UBE2C: variants seen among roughly 807,000 people sequenced by gnomAD.
The protein encoded by UBE2C is ubiquitin conjugating enzyme E2 C, also known as ubiquitin-conjugating enzyme E2 C.
In UBE2C, 16 loss-of-function variants were observed where a neutral mutation model predicts 23.5. That is an observed-to-expected ratio of 0.68 (90% CI 0.46 to 1.03). The LOEUF (loss-of-function observed/expected upper bound fraction) is 1.03, where lower values mean the gene tolerates loss of function less well. Among genes scored for constraint, UBE2C ranks in the 50% least tolerant of loss-of-function variants. UBE2C has a pLI of 0.00. For missense variants in UBE2C, 192 were observed against 227.6 expected, an observed-to-expected ratio of 0.84 and a Z score of 1.01; for synonymous variants, 76 against 91.6, an observed-to-expected ratio of 0.83 and a Z score of 0.97.
chr20:45,813,605 C>A (rs1295419786), intron 2 of UBE2C, 141 bp downstream of exon 2: 6 of 1,059,030 alleles, frequency 5.7e-6, no homozygotes, highest in Non-Finnish European at 8.7e-6. Context: ...CCACCTACAC[C>A]ATTTCTTCCA....
At chr20:45,813,047 C>T in intron 1 of UBE2C, 1 of 1,418,126 alleles carries the variant, frequency 7.1e-7, no homozygotes, top group Non-Finnish European at 9.2e-7. Flanking sequence ...GAGCTCAGAC[C>T]GCTCTTTGAG....
At position 45,814,446 on chromosome 20, in the gene UBE2C, G is replaced by A; in HGVS notation, c.192G>A (p.Gly64=). The A allele has an allele frequency of 6.2e-7, 1 of 1,610,432 alleles. No individual in the cohort carries two copies. The highest frequency in any genetic ancestry group is 8.5e-7 in the Non-Finnish European group (1 of 1,178,058). Residue 64 remains glycine, a synonymous_variant, in exon 3 of 6, where the codon GGG becomes GGA. Coordinates refer to ENST00000356455, the MANE Select transcript of UBE2C (RefSeq NM_007019.4). ...CAGACAACCTTTTCAAATGGGTAGG[G>A]ACCATCCATGGAGCAGCTGGAACAG... ...PESDNLFKWV[G]TIHGAAGTVY... is the part of the protein sequence containing the mutation.
intron 1 of UBE2C, 92 bp from the exon 2 acceptor site, chr20:45,813,345 G>T: frequency 6.2e-7 from 1 of 1,610,720 alleles, no homozygotes; most frequent in South Asian, 1.1e-5. Context: ...CCTCCATGAC[G>T]GCTCCCCCTG....
chr20:45,814,261 T>A, intron 2 of UBE2C, 123 bp from the exon 3 acceptor site: 1 of 363,178 alleles, frequency 2.8e-6, no homozygotes, highest in Non-Finnish European at 4.7e-6. Context: ...TGTGTGTGTG[T>A]GTATGTGAGC....
intron 1 of UBE2C, 181 bp from the exon 2 acceptor site, chr20:45,813,256 G>C: frequency 6.7e-7 from 1 of 1,501,188 alleles, no homozygotes; most frequent in Non-Finnish European, 8.8e-7. Context: ...GAATTAGGGA[G>C]GGTGAGGACT....
Position 45,816,792 on chromosome 20 carries a change from T to C in UBE2C, c.*25T>C. 6.2e-7 allele frequency: 1 copy of C among 1,602,798 alleles called. No individual in the cohort carries two copies. Among genetic ancestry groups the C allele is most frequent in the Non-Finnish European group, 8.5e-7 (1 of 1,175,070 alleles). ...ACCCAGGCTGCCCAGCCTGTCCTTG[T>C]GTCGTCTTTTTAATTTTTCCTTAGA... On this transcript the variant is annotated 3_prime_UTR_variant, in exon 6 of 6. Transcript: ENST00000356455.
chr20:45,813,550 G>A, intron 2 of UBE2C, 86 bp downstream of exon 2: 4 of 1,578,894 alleles, frequency 2.5e-6, no homozygotes, highest in Non-Finnish European at 3.5e-6. Flanking sequence ...GCTAGACATA[G>A]GGGTAATGTA....
intron 2 of UBE2C, 84 bp from the exon 3 acceptor site, chr20:45,814,300 A>AT (rs1568714802): frequency 6.2e-5 from 31 of 499,128 alleles, no homozygotes; most frequent in African/African-American, 2.7e-4. Flanking sequence ...ATATATATAT[A>AT]AAATTAAGGG....
In UBE2C at chr20:45,814,369, G is replaced by A; in HGVS notation, c.130-15G>A. 1 of 1,594,636 alleles carries A rather than the reference G, an allele frequency of 6.3e-7. No individual in the cohort carries two copies. The highest frequency in any genetic ancestry group is 2.2e-4 in the Middle Eastern group (1 of 4,464). On this transcript the variant is annotated splice_polypyrimidine_tract_variant and intron_variant, in intron 2 of 5. Transcript: ENST00000356455. ...AAGTGTACTCCACATTCCAACAAAT[G>A]TGTTTTCTCCCCAGATGTCTGGCGA...
In UBE2C at chr20:45,814,520, T is replaced by G. The variant is rs1982300252; in HGVS notation, c.216+50T>G. The G allele has an allele frequency of 2.0e-6, 3 of 1,496,600 alleles. No homozygotes were observed. The African/African-American group carries it at 4.2e-5, about 21-fold the overall frequency. The allele number at this position is 1,496,600 out of a possible 1,614,324, so 92.7% of individuals were successfully genotyped here. A position where few individuals can be genotyped will look rare whatever the true frequency, so the allele number is the denominator to read the frequency against. On this transcript the variant is annotated intron_variant, in intron 3 of 5. Coordinates refer to ENST00000356455, the MANE Select transcript of UBE2C (RefSeq NM_007019.4). ...AGTGAGTCTGGGGAAAGGTGGGAAG[T>G]GAGATCCAAGTGCGAGCTCTGCTTC...
chr20:45,815,074 A>T (rs965150406), intron 3 of UBE2C, among the ~76,000 whole-genome samples: 19 of 151,792 alleles, frequency 1.3e-4, no homozygotes, highest in African/African-American at 4.6e-4. Flanking sequence ...CCTGACCTCA[A>T]GATCCACCCG....
chr20:45,814,652 C>T (rs1239536759), intron 3 of UBE2C, among the ~76,000 whole-genome samples, 182 bp downstream of exon 3: 1 of 152,140 alleles, frequency 6.6e-6, no homozygotes, highest in East Asian at 1.9e-4. Flanking sequence ...TAAAGCAGGG[C>T]TGCCTATCTT....
At chr20:45,815,453 G>A (rs1982422984) in intron 3 of UBE2C, 88 bp from the exon 4 acceptor site, 1 of 1,614,128 alleles carries the variant, frequency 6.2e-7, no homozygotes. Context: ...AGAAACTCAA[G>A]ATTCTAGCAA....
At chr20:45,813,107 C>T in intron 1 of UBE2C, 1 of 1,398,280 alleles carries the variant, frequency 7.2e-7, no homozygotes, top group Non-Finnish European at 9.2e-7. Flanking sequence ...GACTCCTTCC[C>T]TGGTGGGCCT....
At position 45,812,683 on chromosome 20, in the gene UBE2C, C is replaced by G. The variant is rs189025920; in HGVS notation, c.-13C>G. The stretch of plus-strand genomic sequence containing the variant: ...GTTCTCCGAGTTCCTGTCTCTCTGC[C>G]AACGCCGCCCGGATGGCTTCCCAAA... On this transcript the variant is annotated 5_prime_UTR_variant, in exon 1 of 6. Transcript: ENST00000356455. 1,022 of 1,550,982 alleles carry G rather than the reference C, an allele frequency of 6.6e-4. 5 individuals carry two copies. The African/African-American group carries it at 0.013, about 19-fold the overall frequency.
chr20:45,815,836 C>G lies in UBE2C; in HGVS notation c.422-18C>G. The G allele has an allele frequency of 6.2e-7, 1 of 1,614,124 alleles. No homozygotes were observed. Among genetic ancestry groups the G allele is most frequent in the Non-Finnish European group, 8.5e-7 (1 of 1,179,988 alleles). ...GCCTCTTCTACCGCCTTGACCTTCT[C>G]TTTCTCTCCACCCACAGAACCCAAC... On this transcript the variant is annotated intron_variant, in intron 4 of 5. Coordinates refer to ENST00000356455, the MANE Select transcript of UBE2C (RefSeq NM_007019.4).
Position 45,815,911 on chromosome 20 carries a change from C to G in UBE2C, c.479C>G (p.Thr160Arg). The change falls in exon 5 of 6, where the codon ACA (threonine) becomes AGA (arginine). Residue 160 changes from threonine (T) to arginine (R), a missense_variant and splice_region_variant. Transcript: ENST00000356455. Reference protein sequence around the residue: ...THAAELWKNPTAFKKYLQETY... With the variant: ...THAAELWKNPRAFKKYLQETY... ...GCTGCCGAGCTCTGGAAAAACCCCA[C>G]AGGTGAGTCCTCAGTCCTTGAGCCC... 6.2e-7 allele frequency: 1 copy of G among 1,614,122 alleles called. No individual in the cohort carries two copies. Among genetic ancestry groups the G allele is most frequent in the South Asian group, 1.1e-5 (1 of 91,078 alleles).
chr20:45,815,990 T>G (rs1401386232), intron 5 of UBE2C, 77 bp downstream of exon 5: 1 of 1,539,564 alleles, frequency 6.5e-7, no homozygotes, highest in Admixed American at 1.9e-5. Flanking sequence ...AGGAGCCCAG[T>G]GACTTGGGAC....
intron 5 of UBE2C, among the ~76,000 whole-genome samples, chr20:45,816,299 C>A (rs968876294): frequency 6.6e-6 from 1 of 152,186 alleles, no homozygotes; most frequent in Admixed American, 6.5e-5. Context: ...CCTCCACCTC[C>A]TCCGACCTTT....
Sources: gnomAD v4.1 joint callset for allele counts (sites outside exome capture counted in the v4.1 genomes callset) on GRCh38, gnomAD v4.1.1 for gene constraint, MANE v1.5 for transcripts, NCBI Gene and HGNC (gene_info 2026-07-23, HGNC 2026-07-21) for gene names.